Variants in CST7 observed in about 807,000 individuals in gnomAD.
CST7 encodes cystatin F, also known as cystatin-F.
In CST7, 15 loss-of-function variants were observed where a neutral mutation model predicts 13.1. The observed-to-expected ratio is 1.14, with a 90% confidence interval of 0.77 to 1.76. The LOEUF (loss-of-function observed/expected upper bound fraction) is 1.76, where lower values mean the gene tolerates loss of function less well. Ranked by LOEUF, CST7 falls within the 40% of genes most tolerant of loss-of-function variation. The pLI, the probability that CST7 is intolerant of heterozygous loss-of-function variation, is 0.00. For missense variants in CST7, 193 were observed against 178.8 expected (o/e 1.08, Z -0.45); for synonymous variants, 75 against 66.9 (o/e 1.12, Z -0.59).
rs34274841 is a variant in CST7 at position 24,956,717 on chromosome 20, A to G, written c.71-570A>G. The stretch of plus-strand genomic sequence containing the variant: ...CCTGAGACTGAGAGCCAGGCGGGCA[A>G]AAGGTCTTGAGACGAGGACGGCGCC... On this transcript the variant is annotated intron_variant, in intron 1 of 3. Coordinates refer to ENST00000480798, the MANE Select transcript of CST7 (RefSeq NM_003650.4). Among the ~76,000 whole-genome samples, 924 of 151,972 alleles carry G rather than the reference A, an allele frequency of 6.1e-3. 15 individuals carry two copies. Among genetic ancestry groups the G allele is most frequent in the African/African-American group, 0.022 (900 of 41,462 alleles).
intron 2 of CST7, among the ~76,000 whole-genome samples, chr20:24,958,533 T>G (rs776821159): frequency 2.5e-4 from 38 of 152,020 alleles, no homozygotes; most frequent in Non-Finnish European, 5.0e-4. Flanking sequence ...AACTCAAAAC[T>G]CCCGACCCCA....
chr20:24,952,629 T>C (rs925236453), intron 1 of CST7, among the ~76,000 whole-genome samples: 1 of 152,168 alleles, frequency 6.6e-6, no homozygotes, highest in Non-Finnish European at 1.5e-5. Context: ...GGCACAGCCA[T>C]GCAGACCTTA....
At chr20:24,955,832 G>A (rs2087850428) in intron 1 of CST7, among the ~76,000 whole-genome samples, 1 of 152,194 alleles carries the variant, frequency 6.6e-6, no homozygotes, top group Non-Finnish European at 1.5e-5. Context: ...TGCCAGCGCA[G>A]GACACAGCTA....
intron 1 of CST7, among the ~76,000 whole-genome samples, chr20:24,954,614 C>A (rs1301701186): frequency 3.9e-5 from 6 of 152,202 alleles, no homozygotes; most frequent in Non-Finnish European, 8.8e-5. Flanking sequence ...TCTGTTTAGA[C>A]AACTGTAAGA....
At chr20:24,958,301 C>T (rs2087872379) in intron 2 of CST7, among the ~76,000 whole-genome samples, 1 of 152,204 alleles carries the variant, frequency 6.6e-6, no homozygotes, top group Non-Finnish European at 1.5e-5. Flanking sequence ...GGCCCTCCCT[C>T]CTTCTCCGGG....
chr20:24,952,151 T>A (rs188400790), intron 1 of CST7, among the ~76,000 whole-genome samples: 1 of 152,194 alleles, frequency 6.6e-6, no homozygotes, highest in Non-Finnish European at 1.5e-5. Context: ...CCATGTGCAT[T>A]TTGATATATT....
chr20:24,952,726 G>T (rs6138431), intron 1 of CST7, among the ~76,000 whole-genome samples: 9 of 152,056 alleles, frequency 5.9e-5, no homozygotes, highest in Non-Finnish European at 1.3e-4. Flanking sequence ...GGCACCCCCT[G>T]AGGTGACACA....
In CST7 at chr20:24,958,142, G is replaced by A. The variant is rs571208471; in HGVS notation, c.243+683G>A. The stretch of plus-strand genomic sequence containing the variant: ...TGTTCATGGTTATGCTGGGTCACAG[G>A]GAGGGGTGATTTTTATAACCTAATT... On this transcript the variant is annotated intron_variant, in intron 2 of 3. Transcript: ENST00000480798. 2.0e-5 allele frequency among the ~76,000 whole-genome samples: 3 copies of A among 152,322 alleles called. No individual in the cohort carries two copies. In the South Asian group the frequency reaches 6.2e-4, roughly 32 times the overall value.
chr20:24,957,754 C>T (rs2087868936), intron 2 of CST7, among the ~76,000 whole-genome samples: 1 of 152,164 alleles, frequency 6.6e-6, no homozygotes, highest in African/African-American at 2.4e-5. Context: ...TAATGGGGCT[C>T]CTGAGGCAGG....
chr20:24,956,863 C>T (rs570908851), intron 1 of CST7, among the ~76,000 whole-genome samples: 4 of 151,604 alleles, frequency 2.6e-5, no homozygotes, highest in East Asian at 2.0e-4. Context: ...GGACATGTTC[C>T]GCTTTTAACA....
At chr20:24,958,636 G>GC (rs2087874060) in intron 2 of CST7, among the ~76,000 whole-genome samples, 1 of 152,146 alleles carries the variant, frequency 6.6e-6, no homozygotes, top group Admixed American at 6.5e-5. Flanking sequence ...TGCAGGGCGG[G>GC]CCCAGCAGGG....
At chr20:24,955,342 A>C (rs910969360) in intron 1 of CST7, among the ~76,000 whole-genome samples, 1 of 152,048 alleles carries the variant, frequency 6.6e-6, no homozygotes, top group African/African-American at 2.4e-5. Flanking sequence ...GTCACCTGAG[A>C]GCCTGGGGAA....
chr20:24,958,328 C>A (rs888944433), intron 2 of CST7, among the ~76,000 whole-genome samples: 1 of 152,034 alleles, frequency 6.6e-6, no homozygotes, highest in Admixed American at 6.5e-5. Context: ...AGTGGGATGC[C>A]CTGGTTCTGA....
At chr20:24,959,081 C>A in intron 3 of CST7, 37 bp downstream of exon 3, 2 of 1,470,186 alleles carry the variant, frequency 1.4e-6, no homozygotes, top group Non-Finnish European at 1.9e-6. Flanking sequence ...TGTGCCCTCT[C>A]TTCCCCAGCC....
At chr20:24,959,474 T>G (rs762360951) in intron 3 of CST7, among the ~76,000 whole-genome samples, 161 bp from the exon 4 acceptor site, 1 of 152,106 alleles carries the variant, frequency 6.6e-6, no homozygotes, top group African/African-American at 2.4e-5. Flanking sequence ...GAAAAGCACA[T>G]TTTCTTAAAT....
intron 1 of CST7, 43 bp from the exon 2 acceptor site, chr20:24,957,244 C>T: frequency 1.3e-6 from 2 of 1,589,264 alleles, no homozygotes; most frequent in South Asian, 2.3e-5. Context: ...ACTGAAGGCC[C>T]CACTAACATC....
chr20:24,956,374 C>A (rs1022622882), intron 1 of CST7, among the ~76,000 whole-genome samples: 1 of 152,196 alleles, frequency 6.6e-6, no homozygotes, highest in Non-Finnish European at 1.5e-5. Context: ...TCCCCAATCA[C>A]CCTGCCCTCA....
At chr20:24,950,856 G>A (rs1180341900) in intron 1 of CST7, among the ~76,000 whole-genome samples, 3 of 152,172 alleles carry the variant, frequency 2.0e-5, no homozygotes, top group African/African-American at 7.2e-5. Context: ...GGGGAAGCAG[G>A]GAAGAGAGGC....
chr20:24,950,702 T>G (rs1470528400), intron 1 of CST7, among the ~76,000 whole-genome samples: 9 of 150,270 alleles, frequency 6.0e-5, no homozygotes, highest in Non-Finnish European at 1.0e-4. Context: ...GCCTCCCAGC[T>G]TGGGAGCCTT....
Sources: gnomAD v4.1 joint callset for allele counts (sites outside exome capture counted in the v4.1 genomes callset) on GRCh38, gnomAD v4.1.1 for gene constraint, MANE v1.5 for transcripts, NCBI Gene and HGNC (gene_info 2026-07-23, HGNC 2026-07-21) for gene names.